The following BLTP3A variants were observed in gnomAD, a reference collection of about 807,000 sequenced individuals.
BLTP3A encodes bridge-like lipid transfer protein family member 3A.
chr6:34,837,545 G>A, the BLTP3A span, among the ~76,000 whole-genome samples: 1 of 152,176 alleles, frequency 6.6e-6, no homozygotes, highest in African/African-American at 2.4e-5. Flanking sequence ...AGGTGTGGTG[G>A]TGTGTCCCTG....
the BLTP3A span, among the ~76,000 whole-genome samples, chr6:34,797,566 C>T: frequency 6.6e-6 from 1 of 152,170 alleles, no homozygotes; most frequent in South Asian, 2.1e-4. Flanking sequence ...TCACAACTTC[C>T]AGTCATGTTC....
the BLTP3A span, among the ~76,000 whole-genome samples, chr6:34,794,166 A>AAC: frequency 7.3e-3 from 1,108 of 151,960 alleles, 22 homozygotes; most frequent in African/African-American, 0.025. Context: ...TCAAAAAAAA[A>AAC]AAAGTATATT....
At chr6:34,839,164 T>C in the BLTP3A span, among the ~76,000 whole-genome samples, 1 of 152,098 alleles carries the variant, frequency 6.6e-6, no homozygotes, top group Non-Finnish European at 1.5e-5. Flanking sequence ...GCAGGAGAAT[T>C]GCTTGAACCC....
At chr6:34,816,999 T>C in the BLTP3A span, among the ~76,000 whole-genome samples, 1 of 152,222 alleles carries the variant, frequency 6.6e-6, no homozygotes, top group East Asian at 1.9e-4. Flanking sequence ...TTTATTTAAA[T>C]ACATAAGAGA....
At chr6:34,822,492 G>A in the BLTP3A span, among the ~76,000 whole-genome samples, 1 of 152,134 alleles carries the variant, frequency 6.6e-6, no homozygotes. Context: ...ACCCGTCTCA[G>A]CCTTCGAAAG....
chr6:34,818,930 C>T, the BLTP3A span, among the ~76,000 whole-genome samples: 1 of 152,038 alleles, frequency 6.6e-6, no homozygotes, highest in Non-Finnish European at 1.5e-5. Flanking sequence ...AACACTAAAA[C>T]ATAGTTTAGT....
At chr6:34,836,248 C>G in the BLTP3A span, 1 of 1,614,084 alleles carries the variant, frequency 6.2e-7, no homozygotes. Context: ...GCCGCCTCAG[C>G]CAGTACTTTG....
chr6:34,848,294 AT>A, the BLTP3A span, among the ~76,000 whole-genome samples: 1,157 of 148,408 alleles, frequency 7.8e-3, 14 homozygotes, highest in African/African-American at 0.024. Flanking sequence ...AAAAAAAAAA[AT>A]AATAATAATC....
At chr6:34,826,104 C>G in the BLTP3A span, among the ~76,000 whole-genome samples, 1 of 148,036 alleles carries the variant, frequency 6.8e-6, no homozygotes, top group African/African-American at 2.5e-5. Context: ...TCTCTGCTCA[C>G]TGCAACCACC....
the BLTP3A span, chr6:34,857,880 A>G: frequency 6.2e-7 from 1 of 1,614,090 alleles, no homozygotes; most frequent in Non-Finnish European, 8.5e-7. Flanking sequence ...CAGAAAGATG[A>G]ACACTTGGAC....
At chr6:34,837,727 C>G in the BLTP3A span, among the ~76,000 whole-genome samples, 1 of 151,762 alleles carries the variant, frequency 6.6e-6, no homozygotes, top group Non-Finnish European at 1.5e-5. Context: ...TACTCTCATT[C>G]TGAAAGGAAA....
the BLTP3A span, among the ~76,000 whole-genome samples, chr6:34,840,680 A>G: frequency 3.3e-5 from 5 of 151,620 alleles, no homozygotes; most frequent in East Asian, 3.9e-4. Flanking sequence ...CAGTGGCACA[A>G]TCTTGGCTCA....
At chr6:34,853,217 C>T in the BLTP3A span, among the ~76,000 whole-genome samples, 4 of 152,266 alleles carry the variant, frequency 2.6e-5, no homozygotes, top group African/African-American at 9.6e-5. Context: ...TGCTGCATTG[C>T]CAAGCAGGCT....
chr6:34,854,791 C>G, the BLTP3A span, among the ~76,000 whole-genome samples: 1 of 152,124 alleles, frequency 6.6e-6, no homozygotes, highest in Non-Finnish European at 1.5e-5. Context: ...TCACTCATTT[C>G]TGTGGTGTTT....
At chr6:34,814,063 C>A in the BLTP3A span, among the ~76,000 whole-genome samples, 1 of 151,798 alleles carries the variant, frequency 6.6e-6, no homozygotes, top group African/African-American at 2.4e-5. Flanking sequence ...GTCGCCCAGG[C>A]TGGAGTGCAG....
chr6:34,846,834 T>C, the BLTP3A span, among the ~76,000 whole-genome samples: 1 of 152,244 alleles, frequency 6.6e-6, no homozygotes, highest in Non-Finnish European at 1.5e-5. Flanking sequence ...GGCATCCTTA[T>C]CTTGTTCCAA....
chr6:34,829,737 C>T, the BLTP3A span, among the ~76,000 whole-genome samples: 39 of 151,376 alleles, frequency 2.6e-4, no homozygotes, highest in African/African-American at 9.0e-4. Flanking sequence ...CAGGTTCAAG[C>T]GATTCTCACA....
At chr6:34,833,291 C>T in the BLTP3A span, among the ~76,000 whole-genome samples, 1 of 152,172 alleles carries the variant, frequency 6.6e-6, no homozygotes, top group Non-Finnish European at 1.5e-5. Flanking sequence ...TGGAACTTCA[C>T]ATACCAAGGG....
the BLTP3A span, among the ~76,000 whole-genome samples, chr6:34,826,234 C>T: frequency 6.6e-6 from 1 of 151,990 alleles, no homozygotes; most frequent in African/African-American, 2.4e-5. Flanking sequence ...GTTGGCCAGG[C>T]TGGTCTCGAA....
Sources: gnomAD v4.1 joint callset for allele counts (sites outside exome capture counted in the v4.1 genomes callset) on GRCh38, gnomAD v4.1.1 for gene constraint, MANE v1.5 for transcripts, NCBI Gene and HGNC (gene_info 2026-07-23, HGNC 2026-07-21) for gene names.